The following HDAC2 variants were observed in gnomAD, a reference collection of about 807,000 sequenced individuals.
HDAC2 encodes YY1-associated factor 1.
Under a neutral mutation model 68.5 loss-of-function variants are expected in HDAC2, and 5 were observed. The observed-to-expected ratio is 0.07, with a 90% CI of 0.04 to 0.15. HDAC2 has a LOEUF of 0.15. Among genes scored for constraint, HDAC2 ranks in the 10% least tolerant of loss-of-function variants. The probability of loss-of-function intolerance (pLI) is 1.00; values close to 1 mark genes in which losing one functional copy is unlikely to be tolerated. For missense variants in HDAC2, 291 were observed against 600.8 expected (o/e 0.48, Z 5.39); for synonymous variants, 182 against 191.3 (o/e 0.95, Z 0.40).
chr6:113,959,896 G>C lies in HDAC2; in HGVS notation c.165+10C>G. On this transcript the variant is annotated intron_variant, in intron 2 of 13. Transcript: ENST00000519065. ...ATCAGTGCTGAATATGTATTAAAAG[G>C]AATACTCACATATATTTCCATTTTT... The C allele has an allele frequency of 9.1e-7, 1 of 1,101,554 alleles. No homozygotes were observed. 68.2% of individuals were successfully genotyped at this position (1,101,554 alleles called of 1,614,324 possible).
chr6:113,956,817 GTATAA>G (rs1411296982), intron 3 of HDAC2, 124 bp from the exon 4 acceptor site: 1 of 647,998 alleles, frequency 1.5e-6, no homozygotes, highest in Non-Finnish European at 2.7e-6. Context: ...ACACTTCACA[GTATAA>G]TATAAAGTTT....
intron 6 of HDAC2, 94 bp downstream of exon 6, chr6:113,953,183 T>G: frequency 9.2e-6 from 8 of 871,726 alleles, no homozygotes; most frequent in Non-Finnish European, 1.4e-5. Context: ...AGTTTCAAAT[T>G]ATTAACTCAG....
intron 1 of HDAC2, chr6:113,969,735 T>A (rs980698300): frequency 6.6e-6 from 1 of 152,234 alleles, no homozygotes; most frequent in Non-Finnish European, 1.5e-5. Flanking sequence ...AATTATAGAA[T>A]GCTTAAGATA....
At chr6:113,965,938 C>T (rs1776804667) in intron 1 of HDAC2, among the ~76,000 whole-genome samples, 3 of 152,168 alleles carry the variant, frequency 2.0e-5, no homozygotes, top group African/African-American at 7.2e-5. Context: ...TTCTCCAATC[C>T]CAAGTGTTTT....
Position 113,940,977 on chromosome 6 carries a change from C to A in HDAC2, c.*81G>T. 2.7e-6 allele frequency: 3 copies of A among 1,102,982 alleles called. No homozygotes were observed. The highest frequency in any genetic ancestry group is 1.9e-5 in the Admixed American group (1 of 52,450). The allele number at this position is 1,102,982 out of a possible 1,614,324, so 68.3% of individuals were successfully genotyped here. A position where few individuals can be genotyped will look rare whatever the true frequency, so the allele number is the denominator to read the frequency against. On this transcript the variant is annotated 3_prime_UTR_variant, in exon 14 of 14. Coordinates refer to ENST00000519065, the MANE Select transcript of HDAC2 (RefSeq NM_001527.4). ...CATGCCAAAGTAGTATAAAATGAAG[C>A]CAGAAGTCTTCAAAAAGAAAACATT...
intron 1 of HDAC2, among the ~76,000 whole-genome samples, chr6:113,967,227 C>T (rs759641178): frequency 2.0e-5 from 3 of 152,168 alleles, no homozygotes; most frequent in Non-Finnish European, 4.4e-5. Flanking sequence ...CTCCTGGGTT[C>T]AAGCCATTCT....
At chr6:113,960,530 A>G (rs755900745) in intron 1 of HDAC2, among the ~76,000 whole-genome samples, 1 of 152,078 alleles carries the variant, frequency 6.6e-6, no homozygotes, top group Non-Finnish European at 1.5e-5. Flanking sequence ...TAGGTCCTAA[A>G]TGAGGTTTTG....
chr6:113,969,042 T>A (rs183891711), intron 1 of HDAC2, among the ~76,000 whole-genome samples: 25 of 152,350 alleles, frequency 1.6e-4, no homozygotes, highest in African/African-American at 5.8e-4. Context: ...CTCTAAACTT[T>A]AGAAACAATG....
chr6:113,960,633 T>G (rs150929443), intron 1 of HDAC2, among the ~76,000 whole-genome samples: 79 of 152,202 alleles, frequency 5.2e-4, no homozygotes, highest in Admixed American at 3.6e-3. Flanking sequence ...GCCTGTCTTT[T>G]TAAACGGCAT....
intron 6 of HDAC2, among the ~76,000 whole-genome samples, chr6:113,952,163 T>C (rs1408874882): frequency 6.6e-6 from 1 of 152,216 alleles, no homozygotes; most frequent in African/African-American, 2.4e-5. Context: ...CAGGTGATGC[T>C]GATCTGCTTT....
intron 8 of HDAC2, 196 bp downstream of exon 8, chr6:113,948,783 T>C: frequency 1.9e-6 from 1 of 532,474 alleles, no homozygotes. Flanking sequence ...TAGTCTTGTA[T>C]AAATGTATAT....
intron 1 of HDAC2, among the ~76,000 whole-genome samples, chr6:113,963,441 C>T (rs1010089353): frequency 5.9e-5 from 9 of 152,088 alleles, no homozygotes; most frequent in African/African-American, 2.2e-4. Flanking sequence ...AATTTTTATT[C>T]ATCATTTAAA....
At chr6:113,949,893 T>A (rs1776366431) in intron 6 of HDAC2, among the ~76,000 whole-genome samples, 1 of 152,148 alleles carries the variant, frequency 6.6e-6, no homozygotes, top group African/African-American at 2.4e-5. Context: ...GCAATTCTCC[T>A]GCCTCAGCCT....
chr6:113,941,730 C>A lies in HDAC2; in HGVS notation c.1414G>T (p.Gly472Cys). 2 of 1,448,692 alleles carry A rather than the reference C, an allele frequency of 1.4e-6. No individual in the cohort carries two copies. The highest frequency in any genetic ancestry group is 1.9e-6 in the Non-Finnish European group (2 of 1,060,024). The allele number at this position is 1,448,692 out of a possible 1,614,324, so 89.7% of individuals were successfully genotyped here. Residue 472 changes from glycine (G) to cysteine (C), a missense_variant, in exon 13 of 14, where the codon GGT (glycine) becomes TGT (cysteine). By Grantham distance (159) the Gly-to-Cys change is radical. Coordinates refer to ENST00000519065, the MANE Select transcript of HDAC2 (RefSeq NM_001527.4). ...KEEDKSKDNSGEKTDTKGTKS... is the reference protein window; with the variant it reads ...KEEDKSKDNSCEKTDTKGTKS... ...TACCCTTTGGTATCTGTTTTTTCAC[C>A]ACTGTTGTCCTTGGATTTATCTTCT... is the stretch of plus-strand genomic sequence containing the variant.
At position 113,936,935 on chromosome 6, in the gene HDAC2, T is replaced by C. The variant is rs2114578953; in HGVS notation, c.*4123A>G. ...TGAACCTAGGAAGCAGAGGATGCAGTGAGCCAAGATCATGCCACTGCACTC... is the reference window on the plus strand; with the variant it reads ...TGAACCTAGGAAGCAGAGGATGCAGCGAGCCAAGATCATGCCACTGCACTC... On this transcript the variant is annotated 3_prime_UTR_variant, in exon 14 of 14. Coordinates refer to ENST00000519065, the MANE Select transcript of HDAC2 (RefSeq NM_001527.4). 1 of 151,690 alleles carries C rather than the reference T, an allele frequency of 6.6e-6. No homozygotes were observed. The highest frequency in any genetic ancestry group is 1.9e-4 in the East Asian group (1 of 5,138). The allele number at this position is 151,690 out of a possible 1,614,324, so 9.4% of individuals were successfully genotyped here.
chr6:113,966,532 G>A (rs1469628781), intron 1 of HDAC2, among the ~76,000 whole-genome samples: 1 of 147,220 alleles, frequency 6.8e-6, no homozygotes, highest in African/African-American at 2.5e-5. Context: ...CTCCAGCCTG[G>A]GCAATAAGAG....
At chr6:113,944,188 A>G (rs1205690607) in intron 11 of HDAC2, 92 bp downstream of exon 11, 3 of 1,096,814 alleles carry the variant, frequency 2.7e-6, no homozygotes, top group Non-Finnish European at 4.2e-6. Context: ...TGTGCTCGTG[A>G]ACATGACTTT....
chr6:113,954,379 T>A (rs1033489172), intron 5 of HDAC2, among the ~76,000 whole-genome samples: 6 of 152,134 alleles, frequency 3.9e-5, no homozygotes, highest in African/African-American at 1.4e-4. Flanking sequence ...ACAGCAAAAT[T>A]TCTTCACAAA....
rs754672235 is a variant in HDAC2 at position 113,936,364 on chromosome 6, C to G, written c.*4694G>C. On this transcript the variant is annotated 3_prime_UTR_variant, in exon 14 of 14. Coordinates refer to ENST00000519065, the MANE Select transcript of HDAC2 (RefSeq NM_001527.4). Reference sequence around the variant, plus strand: ...CTAAATGCTGTAATCCTAAACATTTCTCCGCATTGCTCATGTAAATAGCCA... The same window carrying G: ...CTAAATGCTGTAATCCTAAACATTTGTCCGCATTGCTCATGTAAATAGCCA... 4.0e-5 allele frequency: 6 copies of G among 151,582 alleles called. No homozygotes were observed. The highest frequency in any genetic ancestry group is 8.8e-5 in the Non-Finnish European group (6 of 67,882). 9.4% of individuals were successfully genotyped at this position (151,582 alleles called of 1,614,324 possible).
Sources: allele counts gnomAD v4.1 joint callset (sites outside exome capture counted in the v4.1 genomes callset), GRCh38; gene constraint gnomAD v4.1.1; transcripts MANE v1.5; gene names NCBI Gene and HGNC (gene_info 2026-07-23, HGNC 2026-07-21).